ROBO2: variants seen among roughly 807,000 people sequenced by gnomAD.
ROBO2 encodes roundabout homolog 2.
A neutral mutation model predicts 160.8 loss-of-function variants in ROBO2; 53 were observed. That is an observed-to-expected ratio of 0.33 (90% CI 0.26 to 0.41). The LOEUF (loss-of-function observed/expected upper bound fraction) is 0.41, where lower values mean the gene tolerates loss of function less well. Ranked by LOEUF, ROBO2 falls within the 10% of genes least tolerant of loss-of-function variation. The probability of loss-of-function intolerance (pLI) is 1.00; values close to 1 mark genes in which losing one functional copy is unlikely to be tolerated. For synonymous variants in ROBO2, 664 were observed against 611.7 expected (o/e 1.09, Z -1.26); for missense variants, 1,577 against 1,722.4 (o/e 0.92, Z 1.49).
chr3:76,430,758 T>G (rs2076403234), intron 2 of ROBO2, among the ~76,000 whole-genome samples: 2 of 152,068 alleles, frequency 1.3e-5, no homozygotes, highest in Non-Finnish European at 2.9e-5. Flanking sequence ...AACTCAGTAC[T>G]TAAGATATAG....
chr3:77,217,349 G>T (rs1030923139), intron 2 of ROBO2, among the ~76,000 whole-genome samples: 3 of 152,180 alleles, frequency 2.0e-5, no homozygotes, highest in Admixed American at 1.3e-4. Flanking sequence ...CACCATGTTG[G>T]CTAGGCTAGT....
At chr3:77,647,536 T>C (rs1471685680) in exon 26 of ROBO2, 1 of 152,164 alleles carries the variant, frequency 6.6e-6, no homozygotes, top group Non-Finnish European at 1.5e-5. Context: ...TCATTTGTTT[T>C]CACGACTTTG....
chr3:77,364,832 A>G (rs1237807040), intron 2 of ROBO2, among the ~76,000 whole-genome samples: 2 of 152,200 alleles, frequency 1.3e-5, no homozygotes, highest in East Asian at 3.9e-4. Flanking sequence ...GACAACAGAT[A>G]GATTAATAGG....
rs1363730998 is a variant in ROBO2 at position 76,928,383 on chromosome 3, A to G, written c.110-169631A>G. 3.3e-5 allele frequency among the ~76,000 whole-genome samples: 5 copies of G among 152,152 alleles called. No homozygotes were observed. The East Asian group carries it at 9.7e-4, about 29-fold the overall frequency. ...GAGCTGCAGAGCTAGAAGATAATGCATATGCATATATGTATGTATATATAC... is the reference window on the plus strand; with the variant it reads ...GAGCTGCAGAGCTAGAAGATAATGCGTATGCATATATGTATGTATATATAC... On this transcript the variant is annotated intron_variant, in intron 2 of 26. Transcript: ENST00000487694.
intron 2 of ROBO2, among the ~76,000 whole-genome samples, chr3:76,899,744 G>A (rs2075085676): frequency 6.6e-6 from 1 of 152,066 alleles, no homozygotes; most frequent in African/African-American, 2.4e-5. Context: ...CTCCTCTGAG[G>A]TGTGATTCAT....
chr3:77,306,786 T>C (rs1209110550), intron 2 of ROBO2, among the ~76,000 whole-genome samples: 1 of 152,160 alleles, frequency 6.6e-6, no homozygotes, highest in African/African-American at 2.4e-5. Context: ...CAGAGGAATG[T>C]TTAATCTTAG....
intron 2 of ROBO2, among the ~76,000 whole-genome samples, chr3:77,333,434 T>C (rs2066179909): frequency 6.6e-6 from 1 of 152,238 alleles, no homozygotes; most frequent in South Asian, 2.1e-4. Context: ...AATGCAAGTA[T>C]AGAAGCTTTT....
At chr3:77,317,379 G>A in intron 2 of ROBO2, 1 of 1,025,664 alleles carries the variant, frequency 9.7e-7, no homozygotes, top group East Asian at 2.4e-5. Context: ...TGTATTGTCG[G>A]GGTTCCATTT....
intron 2 of ROBO2, among the ~76,000 whole-genome samples, chr3:76,631,708 G>T (rs760392522): frequency 2.0e-5 from 3 of 152,092 alleles, no homozygotes; most frequent in Non-Finnish European, 2.9e-5. Context: ...CTTCTTAATG[G>T]CAACTGGCTA....
chr3:76,581,802 AAAG>A (rs920402110), intron 2 of ROBO2, among the ~76,000 whole-genome samples: 2 of 152,198 alleles, frequency 1.3e-5, no homozygotes, highest in African/African-American at 4.8e-5. Context: ...AAAGAGGAAA[AAAG>A]AAAAGATTGG....
rs1307973669 is a variant in ROBO2, at chr3:76,708,717, T to C, written c.110-389297T>C. On this transcript the variant is annotated intron_variant, in intron 2 of 26. Transcript: ENST00000487694. ...CTGAAAGTTTTCCAGAAAGGAGTAA[T>C]AAAATTGTGTTCACGTTTTAGAACC... Among the ~76,000 whole-genome samples, 14 of 152,202 alleles carry C rather than the reference T, an allele frequency of 9.2e-5. 1 individual carries two copies.
chr3:77,547,502 ACT>A (rs1419995368), intron 7 of ROBO2, among the ~76,000 whole-genome samples: 1 of 152,030 alleles, frequency 6.6e-6, no homozygotes, highest in Non-Finnish European at 1.5e-5. Context: ...GCATTAGAAG[ACT>A]CTGTTGATTA....
intron 2 of ROBO2, among the ~76,000 whole-genome samples, chr3:77,423,375 A>G (rs1317610594): frequency 6.6e-6 from 1 of 152,274 alleles, no homozygotes; most frequent in Non-Finnish European, 1.5e-5. Flanking sequence ...AGAATTTCCC[A>G]TGAATGTGAA....
chr3:77,016,736 G>A (rs887273362), intron 2 of ROBO2, among the ~76,000 whole-genome samples: 1 of 152,080 alleles, frequency 6.6e-6, no homozygotes, highest in African/African-American at 2.4e-5. Flanking sequence ...AGGCCACACC[G>A]CCAGGAGTGT....
chr3:76,729,941 A>G (rs963398635), intron 2 of ROBO2, among the ~76,000 whole-genome samples: 1 of 152,090 alleles, frequency 6.6e-6, no homozygotes, highest in Admixed American at 6.5e-5. Context: ...CCCGGCCTAC[A>G]CATGTATTTC....
At chr3:76,617,949 T>A (rs546205425) in intron 2 of ROBO2, among the ~76,000 whole-genome samples, 1 of 151,550 alleles carries the variant, frequency 6.6e-6, no homozygotes, top group African/African-American at 2.4e-5. Context: ...CCACAACATG[T>A]GGGAGTTATG....
intron 1 of ROBO2, among the ~76,000 whole-genome samples, chr3:77,084,013 G>C (rs1450457772): frequency 6.6e-6 from 1 of 152,076 alleles, no homozygotes; most frequent in African/African-American, 2.4e-5. Flanking sequence ...CTTCATTGAA[G>C]GGAAGAGTAG....
intron 2 of ROBO2, among the ~76,000 whole-genome samples, chr3:76,296,491 C>A (rs1709081435): frequency 6.7e-6 from 1 of 149,670 alleles, no homozygotes; most frequent in Admixed American, 6.6e-5. Flanking sequence ...TTCAGTATCA[C>A]CTCCTTGGTT....
At chr3:76,638,696 A>G (rs988846730) in intron 2 of ROBO2, among the ~76,000 whole-genome samples, 5 of 152,204 alleles carry the variant, frequency 3.3e-5, no homozygotes, top group Non-Finnish European at 5.9e-5. Context: ...ATTCAAAATT[A>G]TAGTGATGAA....
Sources: allele counts gnomAD v4.1 joint callset (sites outside exome capture counted in the v4.1 genomes callset), GRCh38; gene constraint gnomAD v4.1.1; transcripts MANE v1.5; gene names NCBI Gene and HGNC (gene_info 2026-07-23, HGNC 2026-07-21).